SHROOM3: variants seen among roughly 807,000 people sequenced by gnomAD.
The protein encoded by SHROOM3 is shroom family member 3.
Under a neutral mutation model 138.6 loss-of-function variants are expected in SHROOM3, and 47 were observed. That is an observed-to-expected ratio of 0.34 (90% CI 0.27 to 0.43). SHROOM3 has a LOEUF of 0.43. Among genes scored for constraint, SHROOM3 ranks in the 20% least tolerant of loss-of-function variants. The pLI, the probability that SHROOM3 is intolerant of heterozygous loss-of-function variation, is 1.00. For synonymous variants in SHROOM3, 1,062 were observed against 1,063.3 expected (o/e 1.00, Z 0.02); for missense variants, 2,491 against 2,596.5 (o/e 0.96, Z 0.88).
intron 1 of SHROOM3, among the ~76,000 whole-genome samples, chr4:76,550,923 C>T (rs1308572773): frequency 6.6e-6 from 1 of 150,976 alleles, no homozygotes; most frequent in African/African-American, 2.4e-5. Flanking sequence ...TGCTTGGGTC[C>T]AGGAGTTTGA....
At chr4:76,611,532 G>A (rs1365703155) in intron 2 of SHROOM3, among the ~76,000 whole-genome samples, 1 of 152,046 alleles carries the variant, frequency 6.6e-6, no homozygotes, top group Non-Finnish European at 1.5e-5. Flanking sequence ...TGCTAAAGGG[G>A]CATCCTGGCT....
At chr4:76,566,287 A>T (rs79570140) in intron 2 of SHROOM3, among the ~76,000 whole-genome samples, 2,398 of 152,196 alleles carry the variant, frequency 0.016, 67 homozygotes, top group African/African-American at 0.055. Context: ...TACAGGAGGA[A>T]GTGTATAGGT....
At chr4:76,516,766 A>G (rs996096201) in intron 1 of SHROOM3, among the ~76,000 whole-genome samples, 1 of 152,108 alleles carries the variant, frequency 6.6e-6, no homozygotes, top group African/African-American at 2.4e-5. Flanking sequence ...CTGATCCTGG[A>G]TCCTTTCATA....
intron 1 of SHROOM3, among the ~76,000 whole-genome samples, chr4:76,494,250 C>G (rs529143953): frequency 6.6e-6 from 1 of 151,942 alleles, no homozygotes; most frequent in Admixed American, 6.6e-5. Flanking sequence ...ACTTCTGAAC[C>G]TTTTCAGGTG....
intron 1 of SHROOM3, among the ~76,000 whole-genome samples, chr4:76,510,497 TG>T: frequency 6.6e-6 from 1 of 152,216 alleles, no homozygotes; most frequent in Non-Finnish European, 1.5e-5. Flanking sequence ...TAATAGTTGT[TG>T]CCTTATAGGG....
Position 76,622,568 on chromosome 4 carries a change from C to T in SHROOM3, c.323+66805C>T, listed in dbSNP as rs574498193. ...TCACAAGCAGATAAAGGCTCTTTCA[C>T]TTTCCAGAACCCTCTTTTAAGCAAA... On this transcript the variant is annotated intron_variant, in intron 2 of 10. Coordinates refer to ENST00000296043, the MANE Select transcript of SHROOM3 (RefSeq NM_020859.4). Among the ~76,000 whole-genome samples, 10 of 151,982 alleles carry T rather than the reference C, an allele frequency of 6.6e-5. No individual in the cohort carries two copies. The South Asian group carries it at 2.1e-3, about 32-fold the overall frequency.
intron 1 of SHROOM3, among the ~76,000 whole-genome samples, chr4:76,541,489 G>T (rs1733096115): frequency 6.6e-6 from 1 of 152,162 alleles, no homozygotes. Flanking sequence ...GAATGGCCCT[G>T]GTCCATCCCC....
At chr4:76,744,536 A>G (rs1721366785) in intron 5 of SHROOM3, among the ~76,000 whole-genome samples, 1 of 152,200 alleles carries the variant, frequency 6.6e-6, no homozygotes. Context: ...ATGATGAGTA[A>G]AAAATAAAAC....
At chr4:76,485,305 T>C (rs548792977) in intron 1 of SHROOM3, among the ~76,000 whole-genome samples, 1 of 152,364 alleles carries the variant, frequency 6.6e-6, no homozygotes, top group African/African-American at 2.4e-5. Flanking sequence ...GGAAAGTAGC[T>C]TAGTTCCTAA....
chr4:76,569,911 C>A (rs1008994852), intron 2 of SHROOM3, among the ~76,000 whole-genome samples: 1 of 152,114 alleles, frequency 6.6e-6, no homozygotes, highest in African/African-American at 2.4e-5. Context: ...GTGAGGTCAA[C>A]CCCATGAATC....
chr4:76,446,935 G>T (rs1359809111), intron 1 of SHROOM3, among the ~76,000 whole-genome samples: 1 of 152,184 alleles, frequency 6.6e-6, no homozygotes, highest in Non-Finnish European at 1.5e-5. Flanking sequence ...CGCTCAATCT[G>T]TCTGCTCTGG....
intron 1 of SHROOM3, among the ~76,000 whole-genome samples, chr4:76,546,049 T>C (rs961880764): frequency 5.9e-5 from 9 of 152,256 alleles, no homozygotes; most frequent in African/African-American, 1.2e-4. Context: ...GTTACATATG[T>C]ATTTTAATTT....
At chr4:76,550,024 G>T (rs1330348184) in intron 1 of SHROOM3, among the ~76,000 whole-genome samples, 2 of 152,152 alleles carry the variant, frequency 1.3e-5, no homozygotes, top group Non-Finnish European at 2.9e-5. Context: ...ACCTCTGAGG[G>T]AGTGTTGTTT....
chr4:76,639,793 A>G (rs1390234146), intron 2 of SHROOM3, among the ~76,000 whole-genome samples: 1 of 152,198 alleles, frequency 6.6e-6, no homozygotes, highest in African/African-American at 2.4e-5. Context: ...TTGGCACACA[A>G]GAATAAAATG....
chr4:76,761,347 CATCCATCCTCACGGGAAACAACATTA>C (rs2110148844), intron 9 of SHROOM3, among the ~76,000 whole-genome samples: 1 of 152,306 alleles, frequency 6.6e-6, no homozygotes, highest in South Asian at 2.1e-4. Flanking sequence ...ATAGAGAATT[CATCCATCCTCACGGGAAACAACATTA>C]GGTAGTATGT....
intron 1 of SHROOM3, among the ~76,000 whole-genome samples, chr4:76,535,086 T>C (rs1732923963): frequency 6.6e-6 from 1 of 152,228 alleles, no homozygotes; most frequent in African/African-American, 2.4e-5. Flanking sequence ...TTCCAGTTTC[T>C]AATTCATGTT....
intron 1 of SHROOM3, among the ~76,000 whole-genome samples, chr4:76,553,177 G>C (rs184534375): frequency 9.8e-5 from 15 of 152,310 alleles, no homozygotes; most frequent in Middle Eastern, 3.4e-3. Flanking sequence ...TTTTGAGACA[G>C]AGTCTCGCTC....
intron 1 of SHROOM3, among the ~76,000 whole-genome samples, chr4:76,454,285 C>G (rs187996398): frequency 1.3e-5 from 2 of 152,170 alleles, no homozygotes; most frequent in Non-Finnish European, 2.9e-5. Context: ...CTCAGATGAT[C>G]CACCCGCCTT....
chr4:76,649,707 A>G (rs1735911629), intron 2 of SHROOM3, among the ~76,000 whole-genome samples: 1 of 152,238 alleles, frequency 6.6e-6, no homozygotes, highest in South Asian at 2.1e-4. Context: ...CTGGGTTAAA[A>G]TCTAGCATTT....
Sources: allele counts gnomAD v4.1 joint callset (sites outside exome capture counted in the v4.1 genomes callset), GRCh38; gene constraint gnomAD v4.1.1; transcripts MANE v1.5; gene names NCBI Gene and HGNC (gene_info 2026-07-23, HGNC 2026-07-21).